WDR17: variants seen among roughly 807,000 people sequenced by gnomAD.
The protein encoded by WDR17 is WD repeat-containing protein 17.
Under a neutral mutation model 161.7 loss-of-function variants are expected in WDR17, and 143 were observed. That is an observed-to-expected ratio of 0.88 (90% confidence interval 0.77 to 1.02). The LOEUF (loss-of-function observed/expected upper bound fraction) is 1.02. Among genes scored for constraint, WDR17 ranks in the 50% least tolerant of loss-of-function variants. WDR17 has a pLI of 0.00. For missense variants in WDR17, 1,469 were observed against 1,520.9 expected (o/e 0.97, Z 0.57); for synonymous variants, 517 against 515.6 (o/e 1.00, Z -0.04).
chr4:176,130,450 A>G (rs1170983024), intron 6 of WDR17, among the ~76,000 whole-genome samples: 2 of 152,156 alleles, frequency 1.3e-5, no homozygotes, highest in African/African-American at 2.4e-5. Context: ...TAATATTAAA[A>G]ATACTGAGAA....
chr4:176,173,832 G>GA (rs1223339163), intron 25 of WDR17, among the ~76,000 whole-genome samples: 1 of 150,652 alleles, frequency 6.6e-6, no homozygotes, highest in South Asian at 2.1e-4. Context: ...ATGTTTTTAA[G>GA]AAAAAAAATG....
At chr4:176,125,069 G>A in intron 4 of WDR17, 35 bp from the exon 5 acceptor site, 1 of 1,604,464 alleles carries the variant, frequency 6.2e-7, no homozygotes, top group East Asian at 2.2e-5. Context: ...TTTTCTGCAA[G>A]TTTTTTGGAA....
intron 1 of WDR17, among the ~76,000 whole-genome samples, chr4:176,087,622 A>G (rs1196743257): frequency 6.6e-6 from 1 of 151,852 alleles, no homozygotes; most frequent in Non-Finnish European, 1.5e-5. Context: ...ACTCTTACAT[A>G]CATGTTTAAC....
Position 176,167,363 on chromosome 4 carries a change from T to A in WDR17, c.2991-1309T>A, listed in dbSNP as rs188600342. On this transcript the variant is annotated intron_variant, in intron 22 of 28. Coordinates refer to ENST00000508596, the MANE Select transcript of WDR17 (RefSeq NM_181265.4). The stretch of plus-strand genomic sequence containing the variant: ...ATATCAATTTTTTAAAAACAATATC[T>A]TGGCCGGGCGCGGTGGCTCACGCCT... Among the ~76,000 whole-genome samples, 863 of 152,210 alleles carry A rather than the reference T, an allele frequency of 5.7e-3. 7 individuals are homozygous for A. Among genetic ancestry groups the A allele is most frequent in the African/African-American group, 0.019 (807 of 41,530 alleles).
At chr4:176,075,282 G>T (rs1047270669) in intron 1 of WDR17, among the ~76,000 whole-genome samples, 1 of 151,544 alleles carries the variant, frequency 6.6e-6, no homozygotes, top group Non-Finnish European at 1.5e-5. Context: ...TTCTAATATT[G>T]TGAGTCGATT....
intron 1 of WDR17, among the ~76,000 whole-genome samples, chr4:176,090,466 C>G (rs188759774): frequency 6.6e-6 from 1 of 152,204 alleles, no homozygotes; most frequent in East Asian, 1.9e-4. Flanking sequence ...TTATAAATTA[C>G]CCAGCCTTAT....
At chr4:176,083,308 A>G (rs1734998120) in intron 1 of WDR17, among the ~76,000 whole-genome samples, 1 of 152,162 alleles carries the variant, frequency 6.6e-6, no homozygotes, top group African/African-American at 2.4e-5. Context: ...TGCTACACAA[A>G]CATATCATTC....
chr4:176,104,028 CACA>C (rs1738269225), intron 1 of WDR17, among the ~76,000 whole-genome samples: 1 of 152,012 alleles, frequency 6.6e-6, no homozygotes, highest in South Asian at 2.1e-4. Context: ...AAGTGATTAA[CACA>C]TACATACAGG....
At chr4:176,153,872 G>A (rs528550355) in intron 17 of WDR17, among the ~76,000 whole-genome samples, 16 of 152,208 alleles carry the variant, frequency 1.1e-4, no homozygotes, top group Non-Finnish European at 1.9e-4. Context: ...AAATTTAAAA[G>A]TATTTAATTT....
At position 176,146,155 on chromosome 4, in the gene WDR17, G is replaced by T. The variant is rs139945789; in HGVS notation, c.1690G>T (p.Asp564Tyr). The T allele has an allele frequency of 5.0e-6, 8 of 1,611,838 alleles. No homozygotes were observed. Among genetic ancestry groups the T allele is most frequent in the Non-Finnish European group, 6.8e-6 (8 of 1,179,134 alleles). The change falls in exon 12 of 29, where the codon GAT becomes TAT. Residue 564 changes from aspartate (D) to tyrosine (Y), a missense_variant. Physicochemically the swap from Asp to Tyr is radical, Grantham distance 160. Coordinates refer to ENST00000508596, the MANE Select transcript of WDR17 (RefSeq NM_181265.4). ...GGGAATTCTTTGCAGTGGTTCTGAT[G>T]ATGGGTATGTATTTTTGGATTCTAA... ...REGILCSGSD[D>Y]GTVRIWDYTQ...
chr4:176,155,528 T>C (rs1747927132), intron 17 of WDR17, among the ~76,000 whole-genome samples: 1 of 147,206 alleles, frequency 6.8e-6, no homozygotes, highest in Non-Finnish European at 1.5e-5. Context: ...ACTTTGTTTT[T>C]TTGTTTATTT....
chr4:176,161,961 G>GCATGT (rs1749089390), intron 20 of WDR17, 114 bp from the exon 21 acceptor site: 2 of 867,186 alleles, frequency 2.3e-6, no homozygotes, highest in African/African-American at 3.5e-5. Context: ...TTTAAAGCAA[G>GCATGT]CATGTCAAAT....
rs1452748696 is a variant in WDR17 at position 176,083,577 on chromosome 4, T to G, written c.-7+17498T>G. Among the ~76,000 whole-genome samples, 4 of 152,294 alleles carry G rather than the reference T, an allele frequency of 2.6e-5. No homozygotes were observed. In the East Asian group the frequency reaches 5.8e-4, roughly 22 times the overall value. ...ACTTTTCCACACAGTATGAATATAC[T>G]GTATCATTGTACTATTAAAGTATAC... is the stretch of plus-strand genomic sequence containing the variant. On this transcript the variant is annotated intron_variant, in intron 1 of 28. Coordinates refer to ENST00000508596, the MANE Select transcript of WDR17 (RefSeq NM_181265.4).
At chr4:176,098,750 ATATT>A (rs557766534) in intron 1 of WDR17, among the ~76,000 whole-genome samples, 35 of 152,002 alleles carry the variant, frequency 2.3e-4, no homozygotes, top group Non-Finnish European at 4.6e-4. Context: ...GTAATAATAT[ATATT>A]CAATAATGTA....
intron 7 of WDR17, among the ~76,000 whole-genome samples, chr4:176,134,517 T>C (rs1458442711): frequency 2.6e-5 from 4 of 151,676 alleles, no homozygotes; most frequent in African/African-American, 7.2e-5. Flanking sequence ...CAAATCATTG[T>C]GTAATGGGAA....
intron 3 of WDR17, among the ~76,000 whole-genome samples, chr4:176,117,772 A>G (rs1012541585): frequency 1.3e-5 from 2 of 152,120 alleles, no homozygotes; most frequent in East Asian, 1.9e-4. Context: ...TCAGCTATCA[A>G]TATCTCCCTC....
chr4:176,115,498 A>G (rs1740466256), intron 2 of WDR17, among the ~76,000 whole-genome samples: 1 of 151,978 alleles, frequency 6.6e-6, no homozygotes, highest in Admixed American at 6.6e-5. Flanking sequence ...AGATATAGCT[A>G]TGGAAAATAT....
At chr4:176,068,619 A>C (rs1578964187) in intron 1 of WDR17, among the ~76,000 whole-genome samples, 1 of 152,172 alleles carries the variant, frequency 6.6e-6, no homozygotes, top group East Asian at 1.9e-4. Context: ...AAAGAAAAGA[A>C]AAAGAAAAAA....
chr4:176,067,336 A>G (rs1044686272), intron 1 of WDR17, among the ~76,000 whole-genome samples: 6 of 152,216 alleles, frequency 3.9e-5, no homozygotes, highest in Non-Finnish European at 7.3e-5. Context: ...TTGGAGATTA[A>G]TGTTACAAAT....
Sources: allele counts gnomAD v4.1 joint callset (sites outside exome capture counted in the v4.1 genomes callset), GRCh38; gene constraint gnomAD v4.1.1; transcripts MANE v1.5; gene names NCBI Gene and HGNC (gene_info 2026-07-23, HGNC 2026-07-21).